Variants in CCDC186 observed in about 807,000 individuals in gnomAD.
The protein encoded by CCDC186 is coiled-coil domain containing 186.
Under a neutral mutation model 113.7 loss-of-function variants are expected in CCDC186, and 49 were observed. That is an observed-to-expected ratio of 0.43 (90% CI 0.34 to 0.55). The LOEUF is 0.55. Ranked by LOEUF, CCDC186 falls within the 20% of genes least tolerant of loss-of-function variation. The pLI, the probability that CCDC186 is intolerant of heterozygous loss-of-function variation, is 0.02. For missense variants in CCDC186, 890 were observed against 1,011.1 expected, an observed-to-expected ratio of 0.88 and a Z score of 1.62; for synonymous variants, 355 against 345.8, an observed-to-expected ratio of 1.03 and a Z score of -0.30.
chr10:114,173,308 C>T (rs1263489900), intron 1 of CCDC186: 4 of 437,406 alleles, frequency 9.1e-6, no homozygotes, highest in African/African-American at 8.0e-5. Flanking sequence ...AGTTGTTAAA[C>T]TGTTAACAGC....
intron 1 of CCDC186, among the ~76,000 whole-genome samples, chr10:114,171,746 G>A (rs978377560): frequency 6.6e-5 from 10 of 151,968 alleles, no homozygotes; most frequent in South Asian, 2.1e-4. Flanking sequence ...TAGTAAGTGC[G>A]GTAGACATTA....
At chr10:114,166,483 A>AT (rs2032339286) in intron 1 of CCDC186, among the ~76,000 whole-genome samples, 1 of 152,256 alleles carries the variant, frequency 6.6e-6, no homozygotes, top group Non-Finnish European at 1.5e-5. Flanking sequence ...CATCAAGCAC[A>AT]TAGAGCCTTT....
intron 3 of CCDC186, among the ~76,000 whole-genome samples, chr10:114,153,369 C>A (rs934683805): frequency 6.6e-6 from 1 of 151,870 alleles, no homozygotes; most frequent in African/African-American, 2.4e-5. Flanking sequence ...GAAGAAATTG[C>A]AAGGGAAATT....
intron 4 of CCDC186, among the ~76,000 whole-genome samples, chr10:114,147,285 A>G (rs1401910681): frequency 6.6e-6 from 1 of 152,224 alleles, no homozygotes; most frequent in East Asian, 1.9e-4. Context: ...AGGCATATAA[A>G]CAAACATTAT....
chr10:114,156,855 G>T (rs2032025899), intron 3 of CCDC186, among the ~76,000 whole-genome samples: 1 of 152,112 alleles, frequency 6.6e-6, no homozygotes, highest in Non-Finnish European at 1.5e-5. Flanking sequence ...TACTGAGAAT[G>T]GAACCATACC....
intron 2 of CCDC186, among the ~76,000 whole-genome samples, chr10:114,160,972 A>C (rs1466647960): frequency 6.6e-6 from 1 of 152,224 alleles, no homozygotes; most frequent in Non-Finnish European, 1.5e-5. Flanking sequence ...AAGGTGAAAA[A>C]TCTTTCACTC....
Position 114,162,916 on chromosome 10 carries a change from A to G in CCDC186, c.353T>C (p.Ile118Thr). The G allele has an allele frequency of 1.2e-6, 2 of 1,613,580 alleles. No individual in the cohort carries two copies. Among genetic ancestry groups the G allele is most frequent in the Non-Finnish European group, 1.7e-6 (2 of 1,179,876 alleles). Residue 118 changes from isoleucine to threonine, a missense_variant, in exon 2 of 16, where the codon ATA becomes ACA. Transcript: ENST00000369287. Reference protein sequence around the residue: ...TNETEQKVTQILVELRSSTFP... With the variant: ...TNETEQKVTQTLVELRSSTFP... ...TGTAGATGACCTTAATTCCACCAAT[A>G]TTTGTGTTACTTTCTGTTCTGTTTC...
intron 1 of CCDC186, among the ~76,000 whole-genome samples, chr10:114,170,957 G>C (rs1462346813): frequency 2.0e-5 from 3 of 152,066 alleles, no homozygotes; most frequent in Admixed American, 6.5e-5. Context: ...CCATGAAAAA[G>C]AGGGTCAGTG....
intron 6 of CCDC186, among the ~76,000 whole-genome samples, chr10:114,141,659 A>ACACG (rs962301360): frequency 2.0e-5 from 3 of 151,962 alleles, no homozygotes; most frequent in Admixed American, 1.3e-4. Flanking sequence ...GCACACACAT[A>ACACG]CACGCACGCA....
rs1336488666 is a variant in CCDC186, at chr10:114,121,623, C to T, written c.*3520G>A. 1 of 151,982 alleles carries T rather than the reference C, an allele frequency of 6.6e-6. No individual in the cohort carries two copies. Among genetic ancestry groups the T allele is most frequent in the Non-Finnish European group, 1.5e-5 (1 of 68,002 alleles). The allele number at this position is 151,982 out of a possible 1,614,324, so 9.4% of individuals were successfully genotyped here. On this transcript the variant is annotated 3_prime_UTR_variant, in exon 16 of 16. Transcript: ENST00000369287. ...GATAAAAGTTAGGAAACGTGCAGAA[C>T]CACCAGGAAAACAGCAATTTGCTTT...
Position 114,123,839 on chromosome 10 carries a change from G to C in CCDC186, c.*1304C>G, listed in dbSNP as rs983874012. The stretch of plus-strand genomic sequence containing the variant: ...GGTTACAGATATATACTTATTTTAG[G>C]TATGTGTGAGGTTTTTTGTTTTAAG... On this transcript the variant is annotated 3_prime_UTR_variant, in exon 16 of 16. Transcript: ENST00000369287. The C allele has an allele frequency of 3.3e-5, 5 of 152,072 alleles. No homozygotes were observed. The highest frequency in any genetic ancestry group is 7.4e-5 in the Non-Finnish European group (5 of 68,024). The allele number at this position is 152,072 out of a possible 1,614,324, so 9.4% of individuals were successfully genotyped here. A position where few individuals can be genotyped will look rare whatever the true frequency, so the allele number is the denominator to read the frequency against.
intron 7 of CCDC186, 40 bp from the exon 8 acceptor site, chr10:114,136,286 C>T: frequency 6.8e-7 from 1 of 1,472,100 alleles, no homozygotes; most frequent in Non-Finnish European, 9.4e-7. Context: ...CAATTTTTAA[C>T]CCATTTCCCG....
intron 1 of CCDC186, among the ~76,000 whole-genome samples, chr10:114,171,003 A>G (rs139759321): frequency 3.4e-4 from 52 of 152,126 alleles, no homozygotes; most frequent in African/African-American, 1.2e-3. Flanking sequence ...GTTACACCAT[A>G]TATGTCATAT....
chr10:114,141,454 T>A (rs1360569374), intron 6 of CCDC186, among the ~76,000 whole-genome samples: 1 of 152,186 alleles, frequency 6.6e-6, no homozygotes, highest in East Asian at 1.9e-4. Flanking sequence ...GGCAAATTCA[T>A]CCTCACAACT....
At chr10:114,153,871 C>T (rs1431971090) in intron 3 of CCDC186, among the ~76,000 whole-genome samples, 1 of 148,606 alleles carries the variant, frequency 6.7e-6, no homozygotes, top group Non-Finnish European at 1.5e-5. Context: ...GCAAACTAAA[C>T]CAAACACAAA....
intron 10 of CCDC186, 75 bp from the exon 11 acceptor site, chr10:114,132,259 T>C: frequency 1.9e-6 from 2 of 1,054,300 alleles, no homozygotes; most frequent in Non-Finnish European, 2.6e-6. Flanking sequence ...GGAATTTTCA[T>C]CTAGTCAAAT....
chr10:114,171,257 C>T (rs992890009), intron 1 of CCDC186, among the ~76,000 whole-genome samples: 1 of 152,042 alleles, frequency 6.6e-6, no homozygotes, highest in African/African-American at 2.4e-5. Flanking sequence ...TCAGGCCTTC[C>T]TTTACAGGTG....
At position 114,145,753 on chromosome 10, in the gene CCDC186, C is replaced by T; in HGVS notation, c.897G>A (p.Lys299=). The change falls in exon 5 of 16, where the codon AAG becomes AAA. Residue 299 remains lysine, a synonymous_variant. Coordinates refer to ENST00000369287, the MANE Select transcript of CCDC186 (RefSeq NM_018017.4). ...EMAQRMEQAN[K]KCEEARQEKE... ...TTTCTTGGCGTGCCTCTTCACATTT[C>T]TTGTTGGCCTTCAAAAAAAATATTA... 1 of 1,575,308 alleles carries T rather than the reference C, an allele frequency of 6.3e-7. No individual in the cohort carries two copies. The highest frequency in any genetic ancestry group is 8.6e-7 in the Non-Finnish European group (1 of 1,169,562).
At chr10:114,158,277 A>G (rs1589628157) in intron 2 of CCDC186, among the ~76,000 whole-genome samples, 1 of 152,376 alleles carries the variant, frequency 6.6e-6, no homozygotes, top group Non-Finnish European at 1.5e-5. Flanking sequence ...CAGTCAATGT[A>G]AAACAGCAAA....
Sources: allele counts gnomAD v4.1 joint callset (sites outside exome capture counted in the v4.1 genomes callset), GRCh38; gene constraint gnomAD v4.1.1; transcripts MANE v1.5; gene names NCBI Gene and HGNC (gene_info 2026-07-23, HGNC 2026-07-21).